Variants in TMEM253 observed in about 807,000 individuals in gnomAD.
TMEM253 encodes transmembrane protein C14orf176.
A neutral mutation model predicts 20.3 loss-of-function variants in TMEM253; 22 were observed. The observed-to-expected ratio is 1.08, with a 90% CI of 0.78 to 1.55. The LOEUF (loss-of-function observed/expected upper bound fraction) is 1.55, where lower values mean the gene tolerates loss of function less well. Ranked by LOEUF, TMEM253 falls within the 40% of genes most tolerant of loss-of-function variation. The pLI is 0.00. For synonymous variants in TMEM253, 92 were observed against 102.6 expected (o/e 0.90, Z 0.62); for missense variants, 251 against 266.1 (o/e 0.94, Z 0.39).
chr14:21,102,757 T>C, exon 6 of TMEM253: 1 of 1,550,782 alleles, frequency 6.4e-7, no homozygotes, highest in Non-Finnish European at 8.7e-7. Flanking sequence ...AGCCAGAGTC[T>C]GCACTATCAA....
upstream of TMEM253, chr14:21,101,077 C>T: frequency 3.0e-6 from 1 of 338,282 alleles, no homozygotes; most frequent in Non-Finnish European, 5.6e-6. Flanking sequence ...TCCCTGACAG[C>T]CTTCCTCTGC....
At position 21,102,411 on chromosome 14, in the gene TMEM253, G is replaced by A. The variant is rs537729067; in HGVS notation, c.283G>A (p.Ala95Thr). 3.2e-6 allele frequency: 5 copies of A among 1,551,712 alleles called. No homozygotes were observed. The South Asian group carries it at 5.9e-5, about 18-fold the overall frequency. The change falls in exon 5 of 7, where the codon GCC (alanine) becomes ACC (threonine). Residue 95 changes from alanine to threonine, a missense_variant. Ala to Thr is a moderately conservative substitution (Grantham distance 58, BLOSUM62 0). Coordinates refer to ENST00000556585, the Ensembl canonical transcript of TMEM253. ...TGAGCTGGCTCACTGGCAGGTGCGG[G>A]CCATGATGATATTCAACACCTTCAA...
chr14:21,101,649 G>T lies in TMEM253; in HGVS notation c.108+198G>T, dbSNP rs1594611421. The T allele has an allele frequency of 2.6e-5, 17 of 656,040 alleles. No homozygotes were observed. The East Asian group carries it at 4.4e-4, about 17-fold the overall frequency. The allele number at this position is 656,040 out of a possible 1,614,324, so 40.6% of individuals were successfully genotyped here. ...TAATCTCCCAAGTAGCTTCCATCTTGTGGGGGAAAACATACAGGTAAGTAA... is the reference window on the plus strand; with the variant it reads ...TAATCTCCCAAGTAGCTTCCATCTTTTGGGGGAAAACATACAGGTAAGTAA... On this transcript the variant is annotated intron_variant, in intron 2 of 6. Coordinates refer to ENST00000556585, the Ensembl canonical transcript of TMEM253.
intron 4 of TMEM253, 60 bp from the exon 5 acceptor site, chr14:21,102,345 G>A: frequency 1.3e-6 from 2 of 1,530,844 alleles, no homozygotes; most frequent in Non-Finnish European, 1.8e-6. Context: ...GGCTGCAAGT[G>A]GGGATTGAGG....
exon 7 of TMEM253, chr14:21,103,342 G>A (rs1889769342): frequency 2.7e-6 from 4 of 1,479,520 alleles, no homozygotes; most frequent in South Asian, 1.4e-5. Flanking sequence ...TAGGAAGTCC[G>A]GGAGTGCCTT....
Position 21,101,287 on chromosome 14 carries a change from C to G in TMEM253, c.-36-21C>G, listed in dbSNP as rs1370346470. ...ATGTCCTGTCTCCTAATAGACAGAA[C>G]CTATAACGCATTTTTCCCAGCCTAG... is the stretch of plus-strand genomic sequence containing the variant. On this transcript the variant is annotated intron_variant, in intron 1 of 6. Transcript: ENST00000556585. The G allele has an allele frequency of 1.3e-5, 19 of 1,487,482 alleles. No individual in the cohort carries two copies. In the Admixed American group the frequency reaches 3.4e-4, roughly 26 times the overall value. 92.1% of individuals were successfully genotyped at this position (1,487,482 alleles called of 1,614,324 possible).
At chr14:21,103,516 C>T in exon 7 of TMEM253, 1 of 489,002 alleles carries the variant, frequency 2.0e-6, no homozygotes, top group South Asian at 2.4e-5. Flanking sequence ...ACATTTGCCT[C>T]ATCGCACTTT....
Position 21,102,794 on chromosome 14 carries a change from A to C in TMEM253, c.534+15A>C. ...AGCTGCAGGAGGTATGGGGGCAGGG[A>C]AGAAAGCACGAATAGCTAGCTGCCA... On this transcript the variant is annotated intron_variant, in intron 6 of 6. Coordinates refer to ENST00000556585, the Ensembl canonical transcript of TMEM253. 2 of 1,546,316 alleles carry C rather than the reference A, an allele frequency of 1.3e-6. No individual in the cohort carries two copies. Among genetic ancestry groups the C allele is most frequent in the Non-Finnish European group, 1.7e-6 (2 of 1,146,610 alleles).
chr14:21,099,867 G>C (rs1263276821), upstream of TMEM253, among the ~76,000 whole-genome samples: 1 of 152,152 alleles, frequency 6.6e-6, no homozygotes, highest in African/African-American at 2.4e-5. Context: ...GGGCCCAGCT[G>C]GTTCTGCTTC....
At chr14:21,101,278 T>C (rs1295640310) in intron 1 of TMEM253, 30 bp from the exon 2 acceptor site, 2 of 1,426,576 alleles carry the variant, frequency 1.4e-6, no homozygotes, top group African/African-American at 1.4e-5. Context: ...TGTCTCCTAA[T>C]AGACAGAACC....
chr14:21,098,922 TG>T, upstream of TMEM253: 1 of 1,199,666 alleles, frequency 8.3e-7, no homozygotes, highest in South Asian at 1.3e-5. Flanking sequence ...GTCTCTCTTT[TG>T]GGGGAGGAGG....
At chr14:21,101,436 C>A (rs1007006986) in exon 2 of TMEM253, 2 of 1,551,518 alleles carry the variant, frequency 1.3e-6, no homozygotes, top group East Asian at 2.4e-5. Context: ...AGAGTGGGCA[C>A]CTCTTGGTGC....
intron 4 of TMEM253, 85 bp downstream of exon 4, chr14:21,102,205 G>A: frequency 6.8e-7 from 1 of 1,470,304 alleles, no homozygotes; most frequent in Non-Finnish European, 9.1e-7. Context: ...AAGTGGCTAA[G>A]TGTTGACTCA....
At chr14:21,102,491 G>A (rs1566558222) in exon 5 of TMEM253, 2 of 1,551,732 alleles carry the variant, frequency 1.3e-6, no homozygotes, top group East Asian at 2.4e-5. Context: ...CAGCCTTGGG[G>A]CCTGCCCCAA....
At position 21,102,630 on chromosome 14, in the gene TMEM253, C is replaced by A. The variant is rs1246922916; in HGVS notation, c.388-3C>A. 6.4e-6 allele frequency: 10 copies of A among 1,551,260 alleles called. No homozygotes were observed. Among genetic ancestry groups the A allele is most frequent in the Admixed American group, 3.9e-5 (2 of 50,974 alleles). ...CTGCATTCTCAGCCCTGTCTACCTG[C>A]AGCATGCTGGCTTGCTGGTGCTGGA... On this transcript the variant is annotated splice_region_variant and splice_polypyrimidine_tract_variant and intron_variant, in intron 5 of 6. Transcript: ENST00000556585.
intron 4 of TMEM253, 126 bp downstream of exon 4, chr14:21,102,246 A>C: frequency 7.1e-7 from 1 of 1,410,168 alleles, no homozygotes; most frequent in Non-Finnish European, 9.6e-7. Context: ...GACTGGCCTC[A>C]ATCACTGAGG....
rs953243374 is a variant in TMEM253 at position 21,101,261 on chromosome 14, C to T, written c.-36-47C>T. The T allele has an allele frequency of 3.1e-5, 39 of 1,272,516 alleles. No individual in the cohort carries two copies. In the African/African-American group the frequency reaches 4.9e-4, roughly 16 times the overall value. The allele number at this position is 1,272,516 out of a possible 1,614,324, so 78.8% of individuals were successfully genotyped here. On this transcript the variant is annotated intron_variant, in intron 1 of 6. Transcript: ENST00000556585. ...GGTGTAGCTGAAAGATACGTTGTTG[C>T]ATGTCCTGTCTCCTAATAGACAGAA... is the stretch of plus-strand genomic sequence containing the variant.
chr14:21,102,563 G>A, intron 5 of TMEM253, 48 bp downstream of exon 5: 1 of 1,551,604 alleles, frequency 6.4e-7, no homozygotes, highest in Non-Finnish European at 8.7e-7. Context: ...GGCAAGAGGA[G>A]GTGGGAAGGG....
At chr14:21,100,296 G>T (rs1208223617), upstream of TMEM253, among the ~76,000 whole-genome samples, 2 of 152,094 alleles carry the variant, frequency 1.3e-5, no homozygotes, top group Admixed American at 6.5e-5. Flanking sequence ...TGCCCAGAAG[G>T]TGTTGGCTAC....
Sources: allele counts gnomAD v4.1 joint callset (sites outside exome capture counted in the v4.1 genomes callset), GRCh38; gene constraint gnomAD v4.1.1; transcripts MANE v1.5; gene names NCBI Gene and HGNC (gene_info 2026-07-23, HGNC 2026-07-21).